The following WBP2NL variants were observed in gnomAD, a reference collection of about 807,000 sequenced individuals.
WBP2NL encodes WBP2 N-terminal like.
WBP2NL carries 27 observed loss-of-function variants against 23.3 expected under a neutral mutation model. The ratio of observed to expected loss-of-function variants is 1.16; its 90% confidence interval spans 0.85 to 1.60. The LOEUF (loss-of-function observed/expected upper bound fraction) is 1.60, where lower values mean the gene tolerates loss of function less well. WBP2NL is among the 40% of genes most tolerant of loss of function. The pLI is 0.00. For missense variants in WBP2NL, 370 were observed against 389.5 expected (o/e 0.95, Z 0.42); for synonymous variants, 151 against 145.9 (o/e 1.03, Z -0.25).
intron 1 of WBP2NL, among the ~76,000 whole-genome samples, chr22:42,017,599 C>A (rs1472139963): frequency 6.6e-6 from 1 of 152,090 alleles, no homozygotes; most frequent in East Asian, 1.9e-4. Flanking sequence ...TTCATGCTTT[C>A]ATTCATTCTT....
At chr22:42,043,016 GAAA>G (rs59812729) in intron 8 of WBP2NL, among the ~76,000 whole-genome samples, 103 of 55,394 alleles carry the variant, frequency 1.9e-3, no homozygotes, top group African/African-American at 5.2e-3. Context: ...AGTGAGCCAA[GAAA>G]AAAAAAAAAA....
chr22:42,003,598 T>C (rs908365209), intron 1 of WBP2NL: 1 of 152,106 alleles, frequency 6.6e-6, no homozygotes, highest in Non-Finnish European at 1.5e-5. Context: ...AAATAAAAGA[T>C]GTTATTAAAA....
chr22:42,048,660 G>T (rs1250806413), intron 8 of WBP2NL, among the ~76,000 whole-genome samples: 3 of 151,440 alleles, frequency 2.0e-5, no homozygotes, highest in African/African-American at 4.9e-5. Flanking sequence ...GGAGGCTGAG[G>T]CAGGAGAATG....
In WBP2NL at chr22:42,019,420, G is replaced by C. The variant is rs1923665887; in HGVS notation, c.171+1G>C. Reference sequence around the variant, plus strand: ...AACATTGTTTCTCACTTCATACCGGGTAATTTCTACTTCTACTTTAATCTG... The same window carrying C: ...AACATTGTTTCTCACTTCATACCGGCTAATTTCTACTTCTACTTTAATCTG... On this transcript the variant is annotated splice_donor_variant, in intron 2 of 5. Transcript: ENST00000328823. LOFTEE classifies it high-confidence loss of function. 1 of 1,611,570 alleles carries C rather than the reference G, an allele frequency of 6.2e-7. No individual in the cohort carries two copies. The highest frequency in any genetic ancestry group is 8.5e-7 in the Non-Finnish European group (1 of 1,178,890).
chr22:42,057,505 A>T (rs892131137), intron 8 of WBP2NL, among the ~76,000 whole-genome samples: 15 of 151,292 alleles, frequency 9.9e-5, no homozygotes, highest in Non-Finnish European at 2.1e-4. Context: ...AAAATCTGGT[A>T]ATAAGGTAAA....
intron 1 of WBP2NL, 89 bp from the exon 2 acceptor site, chr22:42,019,222 A>C (rs78326751): frequency 1.0e-6 from 1 of 974,012 alleles, no homozygotes; most frequent in Non-Finnish European, 1.4e-6. Context: ...CTCTGTCTCA[A>C]AAAAAAAAAA....
At chr22:42,020,245 GC>G in intron 4 of WBP2NL, 149 bp downstream of exon 4, 2 of 746,148 alleles carry the variant, frequency 2.7e-6, no homozygotes, top group Non-Finnish European at 4.2e-6. Flanking sequence ...TCACCATGTT[GC>G]CCAGGCTGGT....
intron 8 of WBP2NL, among the ~76,000 whole-genome samples, chr22:42,049,963 C>T (rs941858120): frequency 6.0e-5 from 7 of 117,054 alleles, no homozygotes; most frequent in Admixed American, 4.6e-4. Context: ...GGCAAAGAAG[C>T]GAGACTCCGT....
At chr22:42,020,550 GA>G (rs1923795209) in intron 4 of WBP2NL, among the ~76,000 whole-genome samples, 1 of 152,030 alleles carries the variant, frequency 6.6e-6, no homozygotes, top group Non-Finnish European at 1.5e-5. Context: ...AATCTAGTGG[GA>G]GCTTACAGCC....
downstream of WBP2NL, among the ~76,000 whole-genome samples, chr22:42,033,500 G>A (rs945269039): frequency 2.0e-5 from 3 of 152,156 alleles, no homozygotes; most frequent in Non-Finnish European, 2.9e-5. Context: ...CTTCAATGAG[G>A]TGCACAGACA....
At chr22:42,003,825 C>G (rs1459198795) in intron 1 of WBP2NL, among the ~76,000 whole-genome samples, 1 of 152,156 alleles carries the variant, frequency 6.6e-6, no homozygotes, top group Non-Finnish European at 1.5e-5. Flanking sequence ...GGGCTCCTAT[C>G]AGAGCAACAT....
At chr22:42,044,927 C>T (rs1478946142) in intron 8 of WBP2NL, among the ~76,000 whole-genome samples, 1 of 152,082 alleles carries the variant, frequency 6.6e-6, no homozygotes, top group Non-Finnish European at 1.5e-5. Context: ...GATCGTCCTG[C>T]CTCAGCCTCC....
At chr22:42,047,397 C>T (rs770133561) in intron 8 of WBP2NL, among the ~76,000 whole-genome samples, 3 of 151,698 alleles carry the variant, frequency 2.0e-5, no homozygotes, top group Non-Finnish European at 4.4e-5. Context: ...CGAGACCAGC[C>T]TGGCCAACAT....
intron 1 of WBP2NL, among the ~76,000 whole-genome samples, chr22:42,005,656 A>G (rs1245497170): frequency 6.6e-6 from 1 of 152,194 alleles, no homozygotes; most frequent in African/African-American, 2.4e-5. Flanking sequence ...AATACAGTAC[A>G]CATATCATTT....
chr22:42,055,697 T>C (rs970195517), intron 8 of WBP2NL, among the ~76,000 whole-genome samples: 26 of 152,166 alleles, frequency 1.7e-4, no homozygotes, highest in Non-Finnish European at 2.9e-5. Context: ...TTGTGTCTGG[T>C]TTTGCTTTAT....
At chr22:42,055,513 G>A (rs1222977281) in intron 8 of WBP2NL, among the ~76,000 whole-genome samples, 3 of 152,252 alleles carry the variant, frequency 2.0e-5, no homozygotes, top group African/African-American at 7.2e-5. Context: ...TTATTTTATG[G>A]CCTAACATAT....
At chr22:42,053,029 A>G (rs1250477426) in intron 8 of WBP2NL, among the ~76,000 whole-genome samples, 4 of 152,168 alleles carry the variant, frequency 2.6e-5, no homozygotes, top group Admixed American at 2.6e-4. Context: ...GCAACCATTT[A>G]TCTACTTTTT....
intron 8 of WBP2NL, among the ~76,000 whole-genome samples, chr22:42,043,026 A>G (rs933262874): frequency 3.3e-5 from 5 of 151,706 alleles, no homozygotes; most frequent in Non-Finnish European, 5.9e-5. Context: ...GAAAAAAAAA[A>G]AAAAAAAAAA....
intron 1 of WBP2NL, among the ~76,000 whole-genome samples, chr22:42,006,290 CGCTCACTGCAA>C (rs917999771): frequency 5.9e-5 from 9 of 151,526 alleles, no homozygotes; most frequent in Non-Finnish European, 1.5e-5. Context: ...GCACGATCTC[CGCTCACTGCAA>C]GCTCTGCCTC....
Sources: allele counts gnomAD v4.1 joint callset (sites outside exome capture counted in the v4.1 genomes callset), GRCh38; gene constraint gnomAD v4.1.1; transcripts MANE v1.5; gene names NCBI Gene and HGNC (gene_info 2026-07-23, HGNC 2026-07-21).